CA1: variants seen among roughly 807,000 people sequenced by gnomAD.
The protein encoded by CA1 is carbonate dehydratase I.
A neutral mutation model predicts 28.8 loss-of-function variants in CA1; 27 were observed. The ratio of observed to expected loss-of-function variants is 0.94; its 90% CI spans 0.69 to 1.29. CA1 has a LOEUF of 1.29. Ranked by LOEUF, CA1 falls within the 50% of genes most tolerant of loss-of-function variation. The pLI is 0.00. For missense variants in CA1, 335 were observed against 310.5 expected (o/e 1.08, Z -0.59); for synonymous variants, 121 against 108.8 (o/e 1.11, Z -0.70).
At chr8:85,357,625 T>C (rs1163448689) in intron 1 of CA1, among the ~76,000 whole-genome samples, 1 of 152,244 alleles carries the variant, frequency 6.6e-6, no homozygotes, top group Non-Finnish European at 1.5e-5. Flanking sequence ...AGAAATTTTG[T>C]ATATGAATTC....
intron 1 of CA1, among the ~76,000 whole-genome samples, chr8:85,376,261 C>T (rs1810412413): frequency 6.6e-6 from 1 of 152,034 alleles, no homozygotes; most frequent in Non-Finnish European, 1.5e-5. Context: ...AACCGGGAGG[C>T]AGAGGTTGCA....
intron 1 of CA1, among the ~76,000 whole-genome samples, chr8:85,368,576 A>G (rs1463674050): frequency 6.6e-6 from 1 of 152,038 alleles, no homozygotes; most frequent in East Asian, 1.9e-4. Context: ...CAAACATAAT[A>G]TCTTTTTAAT....
At chr8:85,360,401 A>G (rs530333117) in intron 1 of CA1, among the ~76,000 whole-genome samples, 1 of 152,298 alleles carries the variant, frequency 6.6e-6, no homozygotes, top group East Asian at 1.9e-4. Flanking sequence ...AGAAAACAAT[A>G]CAAGCGTTGG....
chr8:85,376,664 A>G (rs1810428871), intron 1 of CA1, among the ~76,000 whole-genome samples: 1 of 130,026 alleles, frequency 7.7e-6, no homozygotes, highest in East Asian at 2.1e-4. Context: ...CTCAAAAATA[A>G]ATAAATAAAT....
At chr8:85,351,253 G>A (rs1809400078) in intron 1 of CA1, among the ~76,000 whole-genome samples, 1 of 152,156 alleles carries the variant, frequency 6.6e-6, no homozygotes. Context: ...TTCTGGGTAT[G>A]GCACTCACTG....
intron 1 of CA1, among the ~76,000 whole-genome samples, chr8:85,369,851 T>G (rs1486917428): frequency 2.0e-5 from 3 of 152,226 alleles, no homozygotes; most frequent in Non-Finnish European, 4.4e-5. Flanking sequence ...CTTTTACTTA[T>G]GATTAAGAAA....
intron 1 of CA1, among the ~76,000 whole-genome samples, chr8:85,358,753 G>T (rs1431077173): frequency 1.3e-5 from 2 of 152,192 alleles, no homozygotes; most frequent in Admixed American, 6.5e-5. Flanking sequence ...ATAAGTGCTT[G>T]TTTAGAACAC....
chr8:85,352,041 A>G (rs1809430662), intron 1 of CA1, among the ~76,000 whole-genome samples: 1 of 152,206 alleles, frequency 6.6e-6, no homozygotes, highest in African/African-American at 2.4e-5. Context: ...GCACTGTCTC[A>G]GGCACCACAA....
intron 6 of CA1, among the ~76,000 whole-genome samples, chr8:85,331,233 A>C (rs1434400974): frequency 1.3e-5 from 2 of 152,106 alleles, no homozygotes; most frequent in Non-Finnish European, 2.9e-5. Context: ...TTTCAAATTT[A>C]CTGGCATAAT....
At chr8:85,372,807 C>T (rs765297230) in intron 1 of CA1, among the ~76,000 whole-genome samples, 21 of 152,160 alleles carry the variant, frequency 1.4e-4, no homozygotes, top group Non-Finnish European at 2.5e-4. Flanking sequence ...GTGAATCTTC[C>T]CTTTGTCCAT....
At chr8:85,354,892 G>T (rs1052891899) in intron 1 of CA1, among the ~76,000 whole-genome samples, 12 of 152,148 alleles carry the variant, frequency 7.9e-5, no homozygotes, top group South Asian at 4.1e-4. Flanking sequence ...ATACCTGTAT[G>T]CCTGCTTTCC....
At position 85,360,607 on chromosome 8, in the gene CA1, T is replaced by G. The variant is rs569275554; in HGVS notation, c.-25+17439A>C. Among the ~76,000 whole-genome samples, 3 of 152,280 alleles carry G rather than the reference T, an allele frequency of 2.0e-5. No individual in the cohort carries two copies. In the South Asian group the frequency reaches 6.2e-4, roughly 32 times the overall value. ...ACTTGGGGGACCGAGGCAGAAGGAT[T>G]GCTTGAGCCTGGGAGGTCAAAGCTG... On this transcript the variant is annotated intron_variant, in intron 1 of 7. Transcript: ENST00000523022.
At position 85,330,031 on chromosome 8, in the gene CA1, G is replaced by GA. The variant is rs563469954; in HGVS notation, c.514-188dup. Among the ~76,000 whole-genome samples, 141 of 151,986 alleles carry GA rather than the reference G, an allele frequency of 9.3e-4. 4 individuals are homozygous for GA. The East Asian group carries it at 0.018, about 20-fold the overall frequency. ...GATATAAACAATAATATCAACAGAA[G>GA]AAAAAAAGATGAAAAATGTGTTATA... On this transcript the variant is annotated intron_variant, in intron 6 of 7. Coordinates refer to ENST00000523022, the MANE Select transcript of CA1 (RefSeq NM_001128831.4).
At position 85,337,009 on chromosome 8, in the gene CA1, T is replaced by C. The variant is rs1808687439; in HGVS notation, c.290A>G (p.His97Arg). ...DSYRLFQFHFHWGSTNEHGSE... is the reference protein window; with the variant it reads ...DSYRLFQFHFRWGSTNEHGSE... ...ACCATGCTCATTTGTACTGCCCCAG[T>C]GAAAATGGAACTGAAAGAGCCTGTA... The change falls in exon 4 of 8, where the codon CAC becomes CGC. Residue 97 changes from histidine (H) to arginine (R), a missense_variant. Coordinates refer to ENST00000523022, the MANE Select transcript of CA1 (RefSeq NM_001128831.4). 6.2e-7 allele frequency: 1 copy of C among 1,613,230 alleles called. No homozygotes were observed. Among genetic ancestry groups the C allele is most frequent in the Admixed American group, 1.7e-5 (1 of 59,958 alleles).
chr8:85,353,750 C>G (rs569281945), intron 1 of CA1, among the ~76,000 whole-genome samples: 1 of 151,894 alleles, frequency 6.6e-6, no homozygotes, highest in African/African-American at 2.4e-5. Flanking sequence ...AATCAATGGG[C>G]ATTTAGGTTA....
intron 2 of CA1, among the ~76,000 whole-genome samples, chr8:85,339,232 C>A (rs1245982507): frequency 6.6e-6 from 1 of 152,064 alleles, no homozygotes; most frequent in Non-Finnish European, 1.5e-5. Flanking sequence ...ATCAAGCAAG[C>A]TTATTAGGGG....
intron 1 of CA1, among the ~76,000 whole-genome samples, chr8:85,348,812 C>T (rs185304717): frequency 7.9e-5 from 12 of 152,164 alleles, no homozygotes; most frequent in Admixed American, 3.3e-4. Flanking sequence ...TGAGGATTAA[C>T]GATTAATACA....
chr8:85,377,214 A>G (rs1172968284), intron 1 of CA1, among the ~76,000 whole-genome samples: 3 of 152,180 alleles, frequency 2.0e-5, no homozygotes, highest in Admixed American at 6.6e-5. Context: ...GTCTATACAC[A>G]GTGTTTGAAT....
intron 6 of CA1, among the ~76,000 whole-genome samples, chr8:85,330,809 A>C (rs1358552128): frequency 6.6e-6 from 1 of 152,136 alleles, no homozygotes; most frequent in Admixed American, 6.6e-5. Flanking sequence ...GATAAACTCT[A>C]CTAGTTCAGA....
Sources: allele counts gnomAD v4.1 joint callset (sites outside exome capture counted in the v4.1 genomes callset), GRCh38; gene constraint gnomAD v4.1.1; transcripts MANE v1.5; gene names NCBI Gene and HGNC (gene_info 2026-07-23, HGNC 2026-07-21).